LMAN1L: variants seen among roughly 807,000 people sequenced by gnomAD.
LMAN1L encodes protein ERGIC-53-like.
A neutral mutation model predicts 58.3 loss-of-function variants in LMAN1L; 60 were observed. That is an observed-to-expected ratio of 1.03 (90% confidence interval 0.84 to 1.27). The LOEUF (loss-of-function observed/expected upper bound fraction) is 1.27, where lower values mean the gene tolerates loss of function less well. LMAN1L is among the 50% of genes most tolerant of loss of function. The pLI is 0.00. For missense variants in LMAN1L, 629 were observed against 674.0 expected (o/e 0.93, Z 0.74); for synonymous variants, 280 against 271.6 (o/e 1.03, Z -0.31).
Position 74,819,223 on chromosome 15 carries a change from G to T in LMAN1L, c.669G>T (p.Leu223Phe). The stretch of plus-strand genomic sequence containing the variant: ...GTGTGGATGTGGGGCCCCTGCTTTT[G>T]GTCCCTGGAGGTTTCTTTGGGGTCT... ...EFCVDVGPLL[L>F]VPGGFFGVSA... Residue 223 changes from leucine (L) to phenylalanine (F), a missense_variant, in exon 6 of 14, where the codon TTG (leucine) becomes TTT (phenylalanine). Physicochemically the swap from Leu to Phe is conservative, Grantham distance 22. Coordinates refer to ENST00000309664, the MANE Select transcript of LMAN1L (RefSeq NM_021819.3). 6.2e-7 allele frequency: 1 copy of T among 1,614,154 alleles called. No individual in the cohort carries two copies. Among genetic ancestry groups the T allele is most frequent in the Non-Finnish European group, 8.5e-7 (1 of 1,180,012 alleles).
intron 12 of LMAN1L, 149 bp from the exon 13 acceptor site, chr15:74,824,202 C>T (rs2063930557): frequency 4.1e-6 from 3 of 724,484 alleles, no homozygotes; most frequent in Non-Finnish European, 4.7e-6. Context: ...CAGCTTTGTA[C>T]ACTGCCCCCT....
At chr15:74,814,499 G>A (rs12441444) in intron 1 of LMAN1L, among the ~76,000 whole-genome samples, 8,360 of 149,946 alleles carry the variant, frequency 0.056, 585 homozygotes, top group South Asian at 0.36. Context: ...TCAGTCTCCC[G>A]AGTAGCTGGG....
intron 9 of LMAN1L, 128 bp from the exon 10 acceptor site, chr15:74,821,701 G>A: frequency 6.0e-6 from 4 of 661,402 alleles, no homozygotes; most frequent in Non-Finnish European, 1.1e-5. Context: ...GCTCTTGTGG[G>A]CTTTGCTGGG....
intron 3 of LMAN1L, 25 bp from the exon 4 acceptor site, chr15:74,816,607 C>G (rs372486040): frequency 2.5e-6 from 4 of 1,608,698 alleles, no homozygotes; most frequent in Admixed American, 3.4e-5. Flanking sequence ...GTCCGCGGCT[C>G]AGGCTGCTTC....
chr15:74,823,691 A>G lies in LMAN1L; in HGVS notation c.1323+9A>G, dbSNP rs2141117843. The G allele has an allele frequency of 1.2e-6, 2 of 1,612,080 alleles. No homozygotes were observed. The highest frequency in any genetic ancestry group is 1.7e-4 in the Middle Eastern group (1 of 5,838). The stretch of plus-strand genomic sequence containing the variant: ...AGCTTCGGGGCCCGGCGGTGAGGGG[A>G]AAGTAGTGGGCAGCATGGGGTCCCC... On this transcript the variant is annotated intron_variant, in intron 12 of 13. Transcript: ENST00000309664.
intron 5 of LMAN1L, 123 bp from the exon 6 acceptor site, chr15:74,819,029 C>G (rs1567224282): frequency 5.0e-6 from 6 of 1,209,984 alleles, no homozygotes; most frequent in Non-Finnish European, 7.0e-6. Flanking sequence ...ACCAGGAGTG[C>G]GGGTCACCTC....
At chr15:74,823,187 G>C (rs1461962149) in intron 11 of LMAN1L, among the ~76,000 whole-genome samples, 1 of 152,150 alleles carries the variant, frequency 6.6e-6, no homozygotes, top group African/African-American at 2.4e-5. Flanking sequence ...CTGTGGAGGA[G>C]GCATGCATCC....
chr15:74,815,437 C>T (rs1296718550), intron 1 of LMAN1L, among the ~76,000 whole-genome samples: 2 of 152,216 alleles, frequency 1.3e-5, no homozygotes, highest in African/African-American at 2.4e-5. Flanking sequence ...CTCAGTTTCT[C>T]TCCCATTCCT....
At chr15:74,824,616 G>A (rs755520603) in intron 13 of LMAN1L, 138 bp downstream of exon 13, 386 of 995,874 alleles carry the variant, frequency 3.9e-4, no homozygotes, top group Non-Finnish European at 5.5e-4. Flanking sequence ...AGCACAGTGC[G>A]GGATAGGGCC....
intron 10 of LMAN1L, 118 bp downstream of exon 10, chr15:74,822,018 C>CT (rs1312202391): frequency 1.4e-6 from 1 of 697,764 alleles, no homozygotes; most frequent in East Asian, 2.6e-5. Context: ...GACAGAACCA[C>CT]TTTTAGAAGG....
Position 74,822,652 on chromosome 15 carries a change from A to C in LMAN1L, c.1142A>C (p.Lys381Thr), listed in dbSNP as rs924283937. The C allele has an allele frequency of 6.2e-7, 1 of 1,614,018 alleles. No homozygotes were observed. The highest frequency in any genetic ancestry group is 8.5e-7 in the Non-Finnish European group (1 of 1,179,918). ...GCTGCCCCTCTGCAGGACTCTGCCA[A>C]GGTCGGTGCCCTGCTCCATGGACAG... ...LSMSLNKDSA[K>T]VGALLHGQWT... is the part of the protein sequence containing the mutation. Residue 381 changes from lysine (K) to threonine (T), a missense_variant, in exon 11 of 14, where the codon AAG (lysine) becomes ACG (threonine). Transcript: ENST00000309664.
At chr15:74,815,851 T>A (rs1246649830) in intron 1 of LMAN1L, among the ~76,000 whole-genome samples, 1 of 152,210 alleles carries the variant, frequency 6.6e-6, no homozygotes, top group African/African-American at 2.4e-5. Context: ...ATCCACTTAG[T>A]TCCTTAACTT....
intron 13 of LMAN1L, chr15:74,825,258 G>A (rs1466724588): frequency 2.0e-6 from 1 of 510,710 alleles, no homozygotes; most frequent in Non-Finnish European, 3.6e-6. Flanking sequence ...GCACAGGAGT[G>A]CAGTGGTGGC....
chr15:74,820,032 G>A lies in LMAN1L; in HGVS notation c.719-12G>A, dbSNP rs755440752. 1.9e-5 allele frequency: 30 copies of A among 1,613,416 alleles called. No individual in the cohort carries two copies. The highest frequency in any genetic ancestry group is 2.4e-5 in the Non-Finnish European group (28 of 1,179,450). ...GAGGGGTCTTACTTCTCCTTCATCT[G>A]TCCCCTTCCAGATGATCATGATGTC... is the stretch of plus-strand genomic sequence containing the variant. On this transcript the variant is annotated splice_polypyrimidine_tract_variant and intron_variant, in intron 6 of 13. Coordinates refer to ENST00000309664, the MANE Select transcript of LMAN1L (RefSeq NM_021819.3).
intron 1 of LMAN1L, 140 bp from the exon 2 acceptor site, chr15:74,816,017 T>G (rs2063888385): frequency 9.1e-7 from 1 of 1,093,708 alleles, no homozygotes; most frequent in East Asian, 2.6e-5. Flanking sequence ...GACTCCTGCT[T>G]CCCTGGCTGG....
chr15:74,813,366 C>T, intron 1 of LMAN1L: 1 of 482,490 alleles, frequency 2.1e-6, no homozygotes, highest in Non-Finnish European at 4.1e-6. Flanking sequence ...GTCCCAGGCA[C>T]ACAGAAGGCA....
chr15:74,825,556 C>T lies in LMAN1L; in HGVS notation c.1532C>T (p.Ala511Val), dbSNP rs758083986. 6.2e-7 allele frequency: 1 copy of T among 1,613,436 alleles called. No individual in the cohort carries two copies. Among genetic ancestry groups the T allele is most frequent in the South Asian group, 1.1e-5 (1 of 91,060 alleles). ...PLGPAPHTPR[A>V]LGILRRQPLP... Reference sequence around the variant, plus strand: ...GGTCCTGCACCACACACCCCCAGGGCCCTGGGGATTCTGAGGAGGCAGCCT... The same window carrying T: ...GGTCCTGCACCACACACCCCCAGGGTCCTGGGGATTCTGAGGAGGCAGCCT... The change falls in exon 14 of 14, where the codon GCC becomes GTC. Residue 511 changes from alanine to valine, a missense_variant. Transcript: ENST00000309664.
chr15:74,813,158 CCAGGCACCCCAGGACCCCTTCCAGG>C (rs2063873484), intron 1 of LMAN1L, 129 bp downstream of exon 1: 1 of 958,194 alleles, frequency 1.0e-6, no homozygotes, highest in Admixed American at 2.2e-5. Flanking sequence ...TGGGACAGTG[CCAGGCACCCCAGGACCCCTTCCAGG>C]CTTGTCTCCT....
intron 4 of LMAN1L, 138 bp downstream of exon 4, chr15:74,816,828 C>A: frequency 1.2e-6 from 1 of 813,766 alleles, no homozygotes; most frequent in Non-Finnish European, 1.9e-6. Context: ...TGGACTCTCT[C>A]ACTTAGCCGA....
Sources: allele counts gnomAD v4.1 joint callset (sites outside exome capture counted in the v4.1 genomes callset), GRCh38; gene constraint gnomAD v4.1.1; transcripts MANE v1.5; gene names NCBI Gene and HGNC (gene_info 2026-07-23, HGNC 2026-07-21).